The following MTUS1 variants were observed in gnomAD, a reference collection of about 807,000 sequenced individuals.
MTUS1 encodes microtubule associated scaffold protein 1, also known as microtubule-associated tumor suppressor 1.
Under a neutral mutation model 120.8 loss-of-function variants are expected in MTUS1, and 109 were observed. That is an observed-to-expected ratio of 0.90 (90% CI 0.77 to 1.06). The LOEUF (loss-of-function observed/expected upper bound fraction) is 1.06, where lower values mean the gene tolerates loss of function less well. MTUS1 is among the 50% of genes least tolerant of loss of function. The pLI, the probability that MTUS1 is intolerant of heterozygous loss-of-function variation, is 0.00. For synonymous variants in MTUS1, 737 were observed against 550.5 expected (o/e 1.34, Z -4.74); for missense variants, 2,210 against 1,486.3 (o/e 1.49, Z -8.01).
chr8:17,710,961 C>T (rs543555875), intron 6 of MTUS1, among the ~76,000 whole-genome samples: 5 of 152,220 alleles, frequency 3.3e-5, no homozygotes, highest in East Asian at 1.9e-4. Flanking sequence ...CACTGTCAGT[C>T]GGCAGTAGTA....
chr8:17,720,451 A>G (rs1026794075), intron 4 of MTUS1, among the ~76,000 whole-genome samples: 6 of 152,092 alleles, frequency 3.9e-5, no homozygotes, highest in Non-Finnish European at 8.8e-5. Context: ...GTGAAGGTGA[A>G]GGGAAAGAAC....
At chr8:17,720,326 C>T (rs1165225805) in intron 4 of MTUS1, among the ~76,000 whole-genome samples, 4 of 146,770 alleles carry the variant, frequency 2.7e-5, no homozygotes, top group Admixed American at 2.1e-4. Context: ...GCCTGGGCGA[C>T]AAGAGCGAAA....
chr8:17,774,455 A>C lies in MTUS1; in HGVS notation c.-154-18494T>G, dbSNP rs114731401. Among the ~76,000 whole-genome samples, 1,002 of 152,358 alleles carry C rather than the reference A, an allele frequency of 6.6e-3. 8 individuals are homozygous for C. Among genetic ancestry groups the C allele is most frequent in the African/African-American group, 0.023 (942 of 41,588 alleles). On this transcript the variant is annotated intron_variant, in intron 1 of 14. Transcript: ENST00000693296. ...TACCCCTTTCTAAAATGTGAAGAAAAGGAAGCGGAGGTGATGCCACCAGGC... is the reference window on the plus strand; with the variant it reads ...TACCCCTTTCTAAAATGTGAAGAAACGGAAGCGGAGGTGATGCCACCAGGC...
chr8:17,717,034 A>G (rs1822473840), intron 4 of MTUS1, among the ~76,000 whole-genome samples: 2 of 152,192 alleles, frequency 1.3e-5, no homozygotes, highest in African/African-American at 4.8e-5. Flanking sequence ...ACAGCTAGAA[A>G]TTTTTCACTA....
chr8:17,766,392 G>A (rs1423515155), intron 1 of MTUS1, among the ~76,000 whole-genome samples: 2 of 152,126 alleles, frequency 1.3e-5, no homozygotes, highest in South Asian at 2.1e-4. Flanking sequence ...CTTCCTCCAT[G>A]AGATCTCCTC....
At chr8:17,768,295 T>C (rs749771738) in intron 1 of MTUS1, among the ~76,000 whole-genome samples, 4 of 152,134 alleles carry the variant, frequency 2.6e-5, no homozygotes, top group Non-Finnish European at 5.9e-5. Context: ...TAATTCAGGA[T>C]TTTCCAGGGT....
intron 8 of MTUS1, chr8:17,674,652 G>A (rs1159483121): frequency 2.0e-6 from 2 of 986,724 alleles, no homozygotes; most frequent in Non-Finnish European, 1.2e-6. Flanking sequence ...GAGACGTGGG[G>A]CTCCCTGTGG....
intron 6 of MTUS1, among the ~76,000 whole-genome samples, chr8:17,710,154 T>A (rs940241401): frequency 5.9e-5 from 9 of 152,186 alleles, no homozygotes; most frequent in South Asian, 2.1e-4. Context: ...AGGGTAGTGG[T>A]TGCTGAAGGT....
At chr8:17,713,296 A>T (rs371815520) in intron 5 of MTUS1, 44 bp from the exon 6 acceptor site, 3 of 1,108,440 alleles carry the variant, frequency 2.7e-6, no homozygotes, top group Non-Finnish European at 4.1e-6. Context: ...GTTTTATTTG[A>T]CATATCACAT....
intron 6 of MTUS1, among the ~76,000 whole-genome samples, chr8:17,705,463 G>C (rs1819969427): frequency 1.3e-5 from 2 of 152,128 alleles, no homozygotes; most frequent in African/African-American, 2.4e-5. Flanking sequence ...TCTAGCTCCT[G>C]CTAAAAAGGT....
intron 3 of MTUS1, among the ~76,000 whole-genome samples, chr8:17,730,164 G>A (rs1001942974): frequency 6.6e-6 from 1 of 152,150 alleles, no homozygotes; most frequent in Non-Finnish European, 1.5e-5. Flanking sequence ...ACAACTGCAT[G>A]TCTAGGTACA....
chr8:17,649,534 A>C (rs988554091), intron 13 of MTUS1, among the ~76,000 whole-genome samples: 1 of 152,198 alleles, frequency 6.6e-6, no homozygotes, highest in Non-Finnish European at 1.5e-5. Context: ...CTGATTTTAC[A>C]TAGATATTTA....
intron 7 of MTUS1, among the ~76,000 whole-genome samples, chr8:17,681,235 G>C (rs1322946844): frequency 6.6e-6 from 1 of 152,072 alleles, no homozygotes; most frequent in East Asian, 1.9e-4. Context: ...CGCCCGGCCT[G>C]CATTTTTCTT....
chr8:17,698,742 C>T (rs1301846970), intron 6 of MTUS1, among the ~76,000 whole-genome samples: 1 of 152,080 alleles, frequency 6.6e-6, no homozygotes, highest in Non-Finnish European at 1.5e-5. Flanking sequence ...TCCCTCTTCA[C>T]TCAAGCCCCC....
At chr8:17,793,183 C>G (rs1272032213) in intron 1 of MTUS1, among the ~76,000 whole-genome samples, 1 of 152,196 alleles carries the variant, frequency 6.6e-6, no homozygotes, top group Non-Finnish European at 1.5e-5. Flanking sequence ...GAATCAATTA[C>G]GTACATGTAT....
chr8:17,712,799 T>C (rs1005390902), intron 6 of MTUS1, among the ~76,000 whole-genome samples: 6 of 9,978 alleles, frequency 6.0e-4, no homozygotes, highest in South Asian at 2.5e-3. Flanking sequence ...ATCTTGGGAA[T>C]GTTAAGTCCA....
chr8:17,661,584 T>C (rs543783698), intron 8 of MTUS1, among the ~76,000 whole-genome samples: 71 of 151,652 alleles, frequency 4.7e-4, no homozygotes, highest in African/African-American at 1.2e-3. Context: ...TAAAACCAAA[T>C]AGGATACACA....
At chr8:17,796,793 A>T (rs75286218) in intron 1 of MTUS1, among the ~76,000 whole-genome samples, 1 of 152,110 alleles carries the variant, frequency 6.6e-6, no homozygotes, top group African/African-American at 2.4e-5. Flanking sequence ...ATCATCTACA[A>T]AACTTGGTTT....
intron 1 of MTUS1, among the ~76,000 whole-genome samples, chr8:17,782,015 C>CG (rs946692410): frequency 2.5e-4 from 38 of 152,344 alleles, no homozygotes; most frequent in African/African-American, 8.9e-4. Context: ...TGATGGCCCT[C>CG]GGTTGGCCAG....
Sources: gnomAD v4.1 joint callset for allele counts (sites outside exome capture counted in the v4.1 genomes callset) on GRCh38, gnomAD v4.1.1 for gene constraint, MANE v1.5 for transcripts, NCBI Gene and HGNC (gene_info 2026-07-23, HGNC 2026-07-21) for gene names.